Variants in DRC11 observed in about 807,000 individuals in gnomAD.
DRC11 encodes dynein regulatory complex subunit 11, also known as IQ and AAA domain-containing protein 1.
chr2:236,365,507 G>T, the DRC11 span, among the ~76,000 whole-genome samples: 12 of 152,176 alleles, frequency 7.9e-5, no homozygotes, highest in African/African-American at 2.4e-4. The surrounding 1 kb of genome is among the most constrained non-coding windows in gnomAD (Gnocchi z 7.4). Flanking sequence ...GGGACTGCAG[G>T]TGCCAGGCGG....
the DRC11 span, among the ~76,000 whole-genome samples, chr2:236,488,764 T>C: frequency 6.6e-6 from 1 of 152,230 alleles, no homozygotes; most frequent in Non-Finnish European, 1.5e-5. Flanking sequence ...TGAGTACTAG[T>C]AAAACAGAAA....
At chr2:236,341,605 C>T in the DRC11 span, among the ~76,000 whole-genome samples, 5 of 152,262 alleles carry the variant, frequency 3.3e-5, no homozygotes, top group East Asian at 7.7e-4. Flanking sequence ...GCCCCAAAGG[C>T]AGGTTTTGGG....
chr2:236,332,765 C>T, the DRC11 span: 1 of 152,158 alleles, frequency 6.6e-6, no homozygotes, highest in Non-Finnish European at 1.5e-5. The surrounding 1 kb of genome is among the most constrained non-coding windows in gnomAD (Gnocchi z 5.1). Context: ...GCTTTTGGGC[C>T]ACGAGCTATT....
chr2:236,384,917 A>T, the DRC11 span, among the ~76,000 whole-genome samples: 2,837 of 151,674 alleles, frequency 0.019, 94 homozygotes, highest in African/African-American at 0.065. Context: ...TTAAATAGGG[A>T]ATCCTTTCCC....
the DRC11 span, among the ~76,000 whole-genome samples, chr2:236,457,683 G>T: frequency 6.6e-6 from 1 of 152,330 alleles, no homozygotes; most frequent in African/African-American, 2.4e-5. This position sits in a 1 kb window ranked among gnomAD's most constrained non-coding sequence, Gnocchi z 4.7. Context: ...TAAGAGAGAG[G>T]TAGAAGGAGA....
At chr2:236,347,444 T>C in the DRC11 span, among the ~76,000 whole-genome samples, 1 of 150,232 alleles carries the variant, frequency 6.7e-6, no homozygotes, top group Non-Finnish European at 1.5e-5. Context: ...TGCAGCACAA[T>C]GCACAATTGC....
At chr2:236,494,819 C>T in the DRC11 span, among the ~76,000 whole-genome samples, 1 of 152,120 alleles carries the variant, frequency 6.6e-6, no homozygotes, top group Non-Finnish European at 1.5e-5. The surrounding 1 kb of genome is among the most constrained non-coding windows in gnomAD (Gnocchi z 4.2). Flanking sequence ...CTTTTGAACA[C>T]CAAACCTTTC....
At chr2:236,331,639 A>G in the DRC11 span, 1 of 1,447,704 alleles carries the variant, frequency 6.9e-7, no homozygotes, top group Non-Finnish European at 9.6e-7. This position sits in a 1 kb window ranked among gnomAD's most constrained non-coding sequence, Gnocchi z 4.8. Context: ...GGGTTACCAC[A>G]GAGAAATCAG....
At chr2:236,477,918 TTCTC>T in the DRC11 span, among the ~76,000 whole-genome samples, 3 of 152,110 alleles carry the variant, frequency 2.0e-5, no homozygotes, top group Non-Finnish European at 2.9e-5. Flanking sequence ...TATTTTGGTC[TTCTC>T]TCTTTTTTCC....
the DRC11 span, among the ~76,000 whole-genome samples, chr2:236,471,351 T>C: frequency 6.6e-6 from 1 of 152,338 alleles, no homozygotes; most frequent in African/African-American, 2.4e-5. The surrounding 1 kb of genome is among the most constrained non-coding windows in gnomAD (Gnocchi z 4.6). Context: ...TTTGTAATTG[T>C]AATACTGCTG....
the DRC11 span, among the ~76,000 whole-genome samples, chr2:236,476,196 T>C: frequency 1.3e-5 from 2 of 152,170 alleles, no homozygotes; most frequent in Admixed American, 6.5e-5. This position sits in a 1 kb window ranked among gnomAD's most constrained non-coding sequence, Gnocchi z 4.7. Flanking sequence ...TTCCAATCCA[T>C]GAGCATGGAA....
the DRC11 span, among the ~76,000 whole-genome samples, chr2:236,344,831 A>T: frequency 6.9e-6 from 1 of 145,872 alleles, no homozygotes; most frequent in East Asian, 2.0e-4. Context: ...CCTGGTTGTA[A>T]ATGCGCTTCC....
the DRC11 span, chr2:236,441,095 G>A: frequency 6.4e-7 from 1 of 1,561,080 alleles, no homozygotes; most frequent in Admixed American, 1.9e-5. Context: ...TTCAACGTCA[G>A]GGTAGTCAGG....
At chr2:236,394,139 C>A in the DRC11 span, among the ~76,000 whole-genome samples, 4 of 152,228 alleles carry the variant, frequency 2.6e-5, no homozygotes, top group Middle Eastern at 6.8e-3. This position sits in a 1 kb window ranked among gnomAD's most constrained non-coding sequence, Gnocchi z 7.0. Flanking sequence ...ACTCTGTACC[C>A]CTCGAGGGGA....
At chr2:236,324,244 CAT>C in the DRC11 span, 5,737 of 169,876 alleles carry the variant, frequency 0.034, 348 homozygotes, top group African/African-American at 0.12. The surrounding 1 kb of genome is among the most constrained non-coding windows in gnomAD (Gnocchi z 5.7). Flanking sequence ...ATACAGTGTA[CAT>C]GGATTAATAA....
the DRC11 span, among the ~76,000 whole-genome samples, chr2:236,314,397 G>A: frequency 6.6e-6 from 1 of 152,148 alleles, no homozygotes; most frequent in Non-Finnish European, 1.5e-5. This position sits in a 1 kb window ranked among gnomAD's most constrained non-coding sequence, Gnocchi z 4.5. Context: ...TTTTCCTGCT[G>A]AAGTCTGAAA....
chr2:236,333,060 G>A, the DRC11 span: 2 of 152,176 alleles, frequency 1.3e-5, no homozygotes, highest in African/African-American at 4.8e-5. The surrounding 1 kb of genome is among the most constrained non-coding windows in gnomAD (Gnocchi z 6.0). Context: ...AGGCATAGAA[G>A]GATTGACTTC....
chr2:236,383,645 T>G, the DRC11 span, among the ~76,000 whole-genome samples: 21 of 152,044 alleles, frequency 1.4e-4, no homozygotes, highest in South Asian at 2.9e-3. Context: ...TTTTTTTTTT[T>G]TTGTTTTGTT....
the DRC11 span, among the ~76,000 whole-genome samples, chr2:236,386,856 T>G: frequency 6.7e-6 from 1 of 149,816 alleles, no homozygotes; most frequent in Non-Finnish European, 1.5e-5. Context: ...GATTCTGGTA[T>G]GTTGTGTCTT....
Sources: allele counts gnomAD v4.1 joint callset (sites outside exome capture counted in the v4.1 genomes callset), GRCh38; gene constraint gnomAD v4.1.1; non-coding constraint Gnocchi (gnomAD v3.1); transcripts MANE v1.5; gene names NCBI Gene and HGNC (gene_info 2026-07-23, HGNC 2026-07-21).